The following KMT2C variants were observed in gnomAD, a reference collection of about 807,000 sequenced individuals.
The protein encoded by KMT2C is histone-lysine N-methyltransferase 2C.
KMT2C carries 88 observed loss-of-function variants against 507.9 expected under a neutral mutation model. The ratio of observed to expected loss-of-function variants is 0.17; its 90% confidence interval spans 0.15 to 0.21. The LOEUF (loss-of-function observed/expected upper bound fraction) is 0.21. KMT2C is among the 10% of genes least tolerant of loss of function. KMT2C has a pLI of 1.00. For synonymous variants in KMT2C, 2,049 were observed against 2,080.8 expected (o/e 0.98, Z 0.42); for missense variants, 4,954 against 5,957.8 (o/e 0.83, Z 5.55).
At chr7:152,358,705 A>G (rs934391121) in intron 1 of KMT2C, 30 bp from the exon 2 acceptor site, 1 of 1,347,350 alleles carries the variant, frequency 7.4e-7, no homozygotes, top group Non-Finnish European at 1.0e-6. Context: ...TAATAAGTAC[A>G]TAGAGTTAAA....
rs2129164406 is a variant in KMT2C, at chr7:152,248,450, C to A, written c.1984G>T (p.Val662Leu). 6.2e-7 allele frequency: 1 copy of A among 1,614,112 alleles called. No homozygotes were observed. Reference sequence around the variant, plus strand: ...AACAACTGCAGTTGTTCTTGCTGCACAGTGATCTGGTGTGTAACGACTTCA... The same window carrying A: ...AACAACTGCAGTTGTTCTTGCTGCAAAGTGATCTGGTGTGTAACGACTTCA... ...NIEVVTHQIT[V>L]QQEQLQLLEE... The change falls in exon 14 of 59, where the codon GTG becomes TTG. Residue 662 changes from valine to leucine, a missense_variant. By Grantham distance (32) the Val-to-Leu change is conservative. Coordinates refer to ENST00000262189, the MANE Select transcript of KMT2C (RefSeq NM_170606.3).
At chr7:152,264,517 G>A (rs1352952635) in intron 8 of KMT2C, among the ~76,000 whole-genome samples, 1 of 152,148 alleles carries the variant, frequency 6.6e-6, no homozygotes, top group Non-Finnish European at 1.5e-5. Flanking sequence ...GTGGCTTTTA[G>A]AGAGATGCAG....
At chr7:152,253,960 A>T (rs1403734236) in intron 9 of KMT2C, among the ~76,000 whole-genome samples, 5 of 152,008 alleles carry the variant, frequency 3.3e-5, no homozygotes, top group Non-Finnish European at 7.4e-5. Context: ...CTCATTACCC[A>T]CCCCAAATTT....
chr7:152,358,566 T>C, intron 2 of KMT2C, 21 bp downstream of exon 2: 1 of 1,451,892 alleles, frequency 6.9e-7, no homozygotes, highest in Non-Finnish European at 9.7e-7. Context: ...TACATTCTTA[T>C]AAATTCTTGA....
chr7:152,152,672 G>C (rs1331769475), intron 49 of KMT2C, 33 bp downstream of exon 49: 1 of 1,609,862 alleles, frequency 6.2e-7, no homozygotes, highest in African/African-American at 1.3e-5. Context: ...ATCAGGAATG[G>C]ATTTGGGGTT....
chr7:152,271,769 A>G (rs1239790112), intron 7 of KMT2C, among the ~76,000 whole-genome samples: 3 of 152,028 alleles, frequency 2.0e-5, no homozygotes, highest in Non-Finnish European at 2.9e-5. Flanking sequence ...CTGCTATAAG[A>G]AACAGCCCTA....
chr7:152,293,884 G>C (rs1487389306), intron 6 of KMT2C, among the ~76,000 whole-genome samples: 1 of 152,078 alleles, frequency 6.6e-6, no homozygotes, highest in African/African-American at 2.4e-5. Context: ...TTGAGACAAA[G>C]TCTGGCTCTG....
chr7:152,231,771 AC>A (rs1274128537), intron 16 of KMT2C, among the ~76,000 whole-genome samples: 1 of 151,648 alleles, frequency 6.6e-6, no homozygotes, highest in Non-Finnish European at 1.5e-5. Context: ...ACAGAGCGAG[AC>A]CCTGTCTCAA....
chr7:152,319,363 T>A lies in KMT2C; in HGVS notation c.390-4025A>T, dbSNP rs540975864. 4.7e-4 allele frequency among the ~76,000 whole-genome samples: 72 copies of A among 152,214 alleles called. 1 individual carries two copies. Among genetic ancestry groups the A allele is most frequent in the African/African-American group, 1.7e-3 (71 of 41,556 alleles). On this transcript the variant is annotated intron_variant, in intron 3 of 58. Coordinates refer to ENST00000262189, the MANE Select transcript of KMT2C (RefSeq NM_170606.3). ...TCATAACCTAGGAAAAACCAGGCCA[T>A]ACAGCAATAGGAGCTGAGGGGACAT...
chr7:152,262,530 A>G (rs532038102), intron 9 of KMT2C, among the ~76,000 whole-genome samples: 15 of 152,334 alleles, frequency 9.8e-5, no homozygotes, highest in African/African-American at 3.6e-4. Context: ...TTTTTGTAAT[A>G]GCTCAAAATT....
At chr7:152,416,440 G>A (rs2097736796) in intron 1 of KMT2C, among the ~76,000 whole-genome samples, 1 of 152,404 alleles carries the variant, frequency 6.6e-6, no homozygotes, top group African/African-American at 2.4e-5. Flanking sequence ...AGCTACTCGG[G>A]AGGGAGGCTG....
Position 152,250,849 on chromosome 7 carries a change from T to G in KMT2C, c.1735+4A>C. The G allele has an allele frequency of 6.8e-7, 1 of 1,464,768 alleles. No individual in the cohort carries two copies. The highest frequency in any genetic ancestry group is 9.6e-7 in the Non-Finnish European group (1 of 1,045,100). 90.7% of individuals were successfully genotyped at this position (1,464,768 alleles called of 1,614,324 possible). On this transcript the variant is annotated splice_donor_region_variant and intron_variant, in intron 12 of 58. Transcript: ENST00000262189. ...AACAGAGTATATCCATTAAACATTC[T>G]TACCATCTGGAACAATTCCAGGAGT...
Position 152,181,225 on chromosome 7 carries a change from G to T in KMT2C, c.6635C>A (p.Pro2212His). ...CTGAGAGTAAGGGACAGAAATTCCA[G>T]GTCTTGGTGTTCCAGGAGGATGAGC... Reference protein sequence around the residue: ...PYAHPPGTPRPGISVPYSQPP... With the variant: ...PYAHPPGTPRHGISVPYSQPP... The change falls in exon 36 of 59, where the codon CCT (proline) becomes CAT (histidine). Residue 2212 changes from proline to histidine, a missense_variant. By Grantham distance (77) the Pro-to-His change is moderately conservative. This residue lies in a region of KMT2C where 1,689 missense variants were observed against 1,654.3 expected (regional missense o/e 1.02). Transcript: ENST00000262189. 6.2e-7 allele frequency: 1 copy of T among 1,614,086 alleles called. No homozygotes were observed. Among genetic ancestry groups the T allele is most frequent in the Non-Finnish European group, 8.5e-7 (1 of 1,180,024 alleles).
At chr7:152,290,258 GTATATATATATATATATA>G (rs746466676) in intron 6 of KMT2C, among the ~76,000 whole-genome samples, 13 of 26,262 alleles carry the variant, frequency 5.0e-4, no homozygotes, top group African/African-American at 1.1e-3. Flanking sequence ...GTGTGTATGT[GTATATATATATATATATA>G]TATATATATA....
chr7:152,249,551 T>C (rs1413519236), intron 13 of KMT2C, among the ~76,000 whole-genome samples: 1 of 151,330 alleles, frequency 6.6e-6, no homozygotes, highest in Non-Finnish European at 1.5e-5. Flanking sequence ...CATGTTCTGA[T>C]ATCAAACTGA....
At chr7:152,137,005 A>G in intron 58 of KMT2C, 81 bp from the exon 59 acceptor site, 1 of 1,054,410 alleles carries the variant, frequency 9.5e-7, no homozygotes, top group Non-Finnish European at 1.4e-6. Context: ...CTTGCATTTT[A>G]AAACCAGCAA....
At chr7:152,150,860 C>G (rs745521618) in intron 51 of KMT2C, 40 bp downstream of exon 51, 1 of 1,335,190 alleles carries the variant, frequency 7.5e-7, no homozygotes. Flanking sequence ...AGAAGTCACT[C>G]GTTACACATT....
Position 152,321,205 on chromosome 7 carries a change from TG to T in KMT2C, c.390-5868del, listed in dbSNP as rs199951820. Among the ~76,000 whole-genome samples the T allele has an allele frequency of 1.1e-3, 173 of 151,956 alleles. 4 individuals are homozygous for T. In the East Asian group the frequency reaches 0.028, roughly 25 times the overall value. On this transcript the variant is annotated intron_variant, in intron 3 of 58. Coordinates refer to ENST00000262189, the MANE Select transcript of KMT2C (RefSeq NM_170606.3). ...GCCAAGATCGCACCATTGCATAGCC[TG>T]GGCAACAGAGCAAGACTCCCTTTCA...
At position 152,324,994 on chromosome 7, in the gene KMT2C, T is replaced by G. The variant is rs187984958; in HGVS notation, c.389+5607A>C. 2.3e-4 allele frequency among the ~76,000 whole-genome samples: 35 copies of G among 152,162 alleles called. 2 individuals carry two copies. The highest frequency in any genetic ancestry group is 1.2e-3 in the Admixed American group (18 of 15,302). On this transcript the variant is annotated intron_variant, in intron 3 of 58. Transcript: ENST00000262189. ...TGCCTTCTACAGAAGCTTCTTCTTA[T>G]TGCATTGTTTTGCTTCATTTTTAAA...
Sources: gnomAD v4.1 joint callset for allele counts (sites outside exome capture counted in the v4.1 genomes callset) on GRCh38, gnomAD v4.1.1 for gene constraint, gnomAD v4.1.1 regional missense constraint, MANE v1.5 for transcripts, NCBI Gene and HGNC (gene_info 2026-07-23, HGNC 2026-07-21) for gene names.